MAGI3: variants seen among roughly 807,000 people sequenced by gnomAD.
The protein encoded by MAGI3 is membrane-associated guanylate kinase, WW and PDZ domain-containing protein 3.
In MAGI3, 43 loss-of-function variants were observed where a neutral mutation model predicts 121.8. The observed-to-expected ratio is 0.35, with a 90% CI of 0.28 to 0.46. MAGI3 has a LOEUF of 0.46. Among genes scored for constraint, MAGI3 ranks in the 20% least tolerant of loss-of-function variants. The probability of loss-of-function intolerance (pLI) is 1.00; values close to 1 mark genes in which losing one functional copy is unlikely to be tolerated. For synonymous variants in MAGI3, 553 were observed against 639.3 expected (o/e 0.86, Z 2.04); for missense variants, 1,547 against 1,797.3 (o/e 0.86, Z 2.52).
chr1:113,549,759 A>G (rs1659688711), intron 2 of MAGI3, 128 bp downstream of exon 2: 2 of 512,340 alleles, frequency 3.9e-6, no homozygotes, highest in South Asian at 9.0e-5. Context: ...CAAGAATGAA[A>G]CAAAAATTGG....
intron 2 of MAGI3, among the ~76,000 whole-genome samples, chr1:113,577,413 T>C (rs1390722797): frequency 6.6e-6 from 1 of 152,054 alleles, no homozygotes; most frequent in Non-Finnish European, 1.5e-5. Context: ...AGACTGTGTA[T>C]GGCTCCAAAG....
chr1:113,392,898 C>T (rs1650903916), intron 1 of MAGI3, among the ~76,000 whole-genome samples: 1 of 152,208 alleles, frequency 6.6e-6, no homozygotes, highest in African/African-American at 2.4e-5. Flanking sequence ...ACTAGTCTAG[C>T]TGCCAAATCT....
intron 1 of MAGI3, among the ~76,000 whole-genome samples, chr1:113,490,521 A>G (rs1231739199): frequency 2.0e-5 from 3 of 152,230 alleles, no homozygotes; most frequent in African/African-American, 7.2e-5. Context: ...AGATCCAAAC[A>G]TACTAATACT....
At chr1:113,682,273 C>G in intron 20 of MAGI3, 1 of 1,607,834 alleles carries the variant, frequency 6.2e-7, no homozygotes, top group South Asian at 1.1e-5. Flanking sequence ...GCTTTCAGGG[C>G]TTTTCTTGGT....
At chr1:113,528,076 T>C (rs762771816) in intron 1 of MAGI3, among the ~76,000 whole-genome samples, 8 of 152,194 alleles carry the variant, frequency 5.3e-5, no homozygotes, top group Non-Finnish European at 8.8e-5. Flanking sequence ...TTCCATATTA[T>C]ACCTCACAAC....
chr1:113,425,352 A>G (rs1352710108), intron 1 of MAGI3, among the ~76,000 whole-genome samples: 1 of 125,034 alleles, frequency 8.0e-6, no homozygotes, highest in East Asian at 2.5e-4. Flanking sequence ...GCGCGATCTC[A>G]GCTCACTGCA....
intron 9 of MAGI3, among the ~76,000 whole-genome samples, chr1:113,635,276 G>A (rs1651927941): frequency 6.6e-6 from 1 of 152,198 alleles, no homozygotes; most frequent in African/African-American, 2.4e-5. Context: ...GAATAGGAGT[G>A]GTGAGAGAGG....
chr1:113,531,456 G>A (rs919550521), intron 1 of MAGI3, among the ~76,000 whole-genome samples: 1 of 152,088 alleles, frequency 6.6e-6, no homozygotes, highest in Admixed American at 6.5e-5. Context: ...CCTTTGGTAT[G>A]CCACTGTATC....
chr1:113,514,016 A>G (rs1657756409), intron 1 of MAGI3, among the ~76,000 whole-genome samples: 1 of 152,112 alleles, frequency 6.6e-6, no homozygotes, highest in East Asian at 1.9e-4. Flanking sequence ...CAAAAAACAC[A>G]TGAAAAAATG....
intron 1 of MAGI3, among the ~76,000 whole-genome samples, chr1:113,484,753 C>G (rs1026180483): frequency 7.8e-5 from 7 of 89,934 alleles, no homozygotes; most frequent in African/African-American, 2.0e-4. Flanking sequence ...TTCCACAGAG[C>G]CTTGCTCTCT....
At chr1:113,430,607 A>G (rs897609378) in intron 1 of MAGI3, among the ~76,000 whole-genome samples, 4 of 152,222 alleles carry the variant, frequency 2.6e-5, no homozygotes, top group African/African-American at 9.6e-5. Context: ...ATAGAACACT[A>G]TTGAAGTAAA....
intron 1 of MAGI3, among the ~76,000 whole-genome samples, chr1:113,471,434 C>G (rs1017724755): frequency 6.6e-6 from 1 of 152,014 alleles, no homozygotes; most frequent in Non-Finnish European, 1.5e-5. Context: ...AATGGAAACA[C>G]AACATACCAA....
chr1:113,556,245 G>A lies in MAGI3; in HGVS notation c.433+6614G>A, dbSNP rs80189641. On this transcript the variant is annotated intron_variant, in intron 2 of 20. Coordinates refer to ENST00000307546, the MANE Select transcript of MAGI3 (RefSeq NM_001142782.2). Reference sequence around the variant, plus strand: ...GTAGAAACCAGTGCAATAGAAAATAGAAAAAAACCAATGAAATACAAAGCT... The same window carrying A: ...GTAGAAACCAGTGCAATAGAAAATAAAAAAAAACCAATGAAATACAAAGCT... Among the ~76,000 whole-genome samples the A allele has an allele frequency of 1.1e-4, 10 of 93,716 alleles. No homozygotes were observed. The East Asian group carries it at 6.3e-3, about 59-fold the overall frequency. The allele number at this position is 93,716 out of a possible 152,430, so 61.5% of individuals were successfully genotyped here. A position where few individuals can be genotyped will look rare whatever the true frequency, so the allele number is the denominator to read the frequency against.
At chr1:113,565,235 A>T (rs1407801779) in intron 2 of MAGI3, among the ~76,000 whole-genome samples, 1 of 152,148 alleles carries the variant, frequency 6.6e-6, no homozygotes, top group Non-Finnish European at 1.5e-5. Context: ...GCCAGAAAAA[A>T]ATGTATTTCA....
chr1:113,515,095 A>G (rs1169273012), intron 1 of MAGI3, among the ~76,000 whole-genome samples: 1 of 152,136 alleles, frequency 6.6e-6, no homozygotes, highest in Non-Finnish European at 1.5e-5. Context: ...TTCTCTTGTG[A>G]TGAACCTCAC....
rs143832563 is a variant in MAGI3, at chr1:113,534,511, T to A, written c.317-15004T>A. On this transcript the variant is annotated intron_variant, in intron 1 of 20. Transcript: ENST00000307546. Reference sequence around the variant, plus strand: ...TCTATCTATCCTCTCCATTCATTCTTCCAGTCTATGTTGCCTGGCTTCCCC... The same window carrying A: ...TCTATCTATCCTCTCCATTCATTCTACCAGTCTATGTTGCCTGGCTTCCCC... Among the ~76,000 whole-genome samples, 116 of 152,236 alleles carry A rather than the reference T, an allele frequency of 7.6e-4. 1 individual carries two copies. The highest frequency in any genetic ancestry group is 1.6e-3 in the Admixed American group (24 of 15,298).
intron 6 of MAGI3, among the ~76,000 whole-genome samples, chr1:113,605,166 CAT>C (rs1442527635): frequency 2.6e-5 from 4 of 152,040 alleles, no homozygotes; most frequent in African/African-American, 9.6e-5. Context: ...GAAATGAAAA[CAT>C]ATGTTCCCCA....
intron 1 of MAGI3, among the ~76,000 whole-genome samples, chr1:113,531,457 C>T (rs114077452): frequency 1.3e-5 from 2 of 152,220 alleles, no homozygotes; most frequent in Admixed American, 6.5e-5. Context: ...CTTTGGTATG[C>T]CACTGTATCC....
intron 1 of MAGI3, among the ~76,000 whole-genome samples, chr1:113,437,136 T>G (rs1200239457): frequency 6.6e-6 from 1 of 152,056 alleles, no homozygotes. Flanking sequence ...TTTATCTCCC[T>G]TTATTTCTTT....
Sources: allele counts gnomAD v4.1 joint callset (sites outside exome capture counted in the v4.1 genomes callset), GRCh38; gene constraint gnomAD v4.1.1; transcripts MANE v1.5; gene names NCBI Gene and HGNC (gene_info 2026-07-23, HGNC 2026-07-21).